GRXCR1: variants seen among roughly 807,000 people sequenced by gnomAD.
GRXCR1 encodes the protein glutaredoxin and cysteine rich domain containing 1, also known as glutaredoxin domain-containing cysteine-rich protein 1.
GRXCR1 carries 27 observed loss-of-function variants against 27.3 expected under a neutral mutation model. The ratio of observed to expected loss-of-function variants is 0.99; its 90% CI spans 0.73 to 1.37. The LOEUF is 1.37. Among genes scored for constraint, GRXCR1 ranks in the 40% most tolerant of loss-of-function variants. GRXCR1 has a pLI of 0.00. For missense variants in GRXCR1, 379 were observed against 354.4 expected, an observed-to-expected ratio of 1.07 and a Z score of -0.56; for synonymous variants, 122 against 131.1, an observed-to-expected ratio of 0.93 and a Z score of 0.47.
At chr4:42,984,913 G>A (rs761511849) in intron 2 of GRXCR1, among the ~76,000 whole-genome samples, 10 of 152,106 alleles carry the variant, frequency 6.6e-5, no homozygotes, top group Non-Finnish European at 7.4e-5. Flanking sequence ...ACATGTACCA[G>A]CCTGGAGTCT....
intron 1 of GRXCR1, among the ~76,000 whole-genome samples, chr4:42,934,588 T>C (rs1386709276): frequency 1.3e-5 from 2 of 151,950 alleles, no homozygotes; most frequent in African/African-American, 2.4e-5. Context: ...ATGCTACACA[T>C]TTCTCCAGTC....
intron 2 of GRXCR1, among the ~76,000 whole-genome samples, chr4:42,973,934 G>C (rs1028273619): frequency 6.6e-6 from 1 of 152,158 alleles, no homozygotes; most frequent in African/African-American, 2.4e-5. Flanking sequence ...GCTAGAGCAT[G>C]TTCTAGGGGT....
chr4:42,987,243 T>TTATATATATATAA (rs1560676875), intron 2 of GRXCR1, among the ~76,000 whole-genome samples: 3 of 76,804 alleles, frequency 3.9e-5, no homozygotes, highest in South Asian at 3.9e-4. Context: ...ATATATATAA[T>TTATATATATATAA]ATATAATATA....
chr4:42,907,558 A>T (rs959197244), intron 1 of GRXCR1, among the ~76,000 whole-genome samples: 1 of 152,100 alleles, frequency 6.6e-6, no homozygotes, highest in African/African-American at 2.4e-5. Context: ...CCTTCTCAGG[A>T]AGTAGCTGCT....
intron 1 of GRXCR1, among the ~76,000 whole-genome samples, chr4:42,960,102 G>C (rs1748098060): frequency 6.6e-6 from 1 of 152,046 alleles, no homozygotes; most frequent in East Asian, 1.9e-4. Context: ...TGGTATACAT[G>C]GTTTGTTCTA....
intron 2 of GRXCR1, among the ~76,000 whole-genome samples, chr4:42,993,662 T>C (rs955494776): frequency 2.6e-5 from 4 of 152,166 alleles, no homozygotes; most frequent in African/African-American, 7.2e-5. Flanking sequence ...TATTGAATAC[T>C]GTACTGAAAG....
At chr4:42,914,812 G>A (rs1486874322) in intron 1 of GRXCR1, among the ~76,000 whole-genome samples, 4 of 152,122 alleles carry the variant, frequency 2.6e-5, no homozygotes, top group African/African-American at 7.2e-5. Context: ...GGGACCAGGT[G>A]GAGATAATTG....
chr4:42,998,974 A>G (rs1387691823), intron 2 of GRXCR1, among the ~76,000 whole-genome samples: 1 of 152,206 alleles, frequency 6.6e-6, no homozygotes, highest in East Asian at 1.9e-4. Context: ...TTGGCTGTCA[A>G]AAAGTATTTT....
chr4:43,020,524 A>G (rs951529130), intron 3 of GRXCR1, 105 bp downstream of exon 3: 2 of 766,306 alleles, frequency 2.6e-6, no homozygotes, highest in Non-Finnish European at 4.7e-6. Context: ...TGTTCTTACA[A>G]ATATGCAATA....
At chr4:43,022,388 A>G (rs894988371) in intron 3 of GRXCR1, among the ~76,000 whole-genome samples, 3 of 152,194 alleles carry the variant, frequency 2.0e-5, no homozygotes, top group Non-Finnish European at 4.4e-5. Context: ...CTTGATCAAC[A>G]GTACCATGGT....
chr4:42,976,513 T>C (rs1436483), intron 2 of GRXCR1, among the ~76,000 whole-genome samples: 72,116 of 151,708 alleles, frequency 0.48, 18,459 homozygotes, highest in African/African-American at 0.68. Context: ...TATAGGTCAG[T>C]AAATTATTAT....
intron 2 of GRXCR1, among the ~76,000 whole-genome samples, chr4:42,991,597 G>A (rs1406593862): frequency 6.6e-6 from 1 of 152,010 alleles, no homozygotes; most frequent in African/African-American, 2.4e-5. Context: ...TTTCAGTGAA[G>A]CAGCCAGGAG....
chr4:43,005,689 C>T (rs1418720024), intron 2 of GRXCR1, among the ~76,000 whole-genome samples: 2 of 152,112 alleles, frequency 1.3e-5, no homozygotes, highest in African/African-American at 2.4e-5. Context: ...GGAAGTACTC[C>T]TTGGAAAGTG....
At chr4:42,918,655 G>C (rs2109749449) in intron 1 of GRXCR1, among the ~76,000 whole-genome samples, 1 of 151,970 alleles carries the variant, frequency 6.6e-6, no homozygotes, top group Non-Finnish European at 1.5e-5. Context: ...CCTGTGTTTT[G>C]ACCATCTCTC....
chr4:42,982,302 G>A (rs567404033), intron 2 of GRXCR1, among the ~76,000 whole-genome samples: 81 of 142,744 alleles, frequency 5.7e-4, no homozygotes, highest in African/African-American at 7.9e-4. Flanking sequence ...GAGAATATGC[G>A]GTGTTTGGTT....
At chr4:43,027,003 C>T (rs1489482603) in intron 3 of GRXCR1, among the ~76,000 whole-genome samples, 1 of 152,176 alleles carries the variant, frequency 6.6e-6, no homozygotes, top group Non-Finnish European at 1.5e-5. Flanking sequence ...AGTGGCAAAA[C>T]CTTAAACCAG....
At chr4:42,999,851 A>G (rs570259657) in intron 2 of GRXCR1, among the ~76,000 whole-genome samples, 1 of 152,332 alleles carries the variant, frequency 6.6e-6, no homozygotes, top group African/African-American at 2.4e-5. Context: ...AAAAGACAAT[A>G]AACCTACTAA....
intron 3 of GRXCR1, among the ~76,000 whole-genome samples, chr4:43,028,198 G>A (rs889073044): frequency 4.6e-5 from 7 of 152,052 alleles, no homozygotes; most frequent in South Asian, 2.1e-4. Context: ...TTTCTTCTAT[G>A]TCAACTCTAA....
chr4:42,894,193 C>T (rs1175113497), intron 1 of GRXCR1, among the ~76,000 whole-genome samples: 1 of 151,982 alleles, frequency 6.6e-6, no homozygotes, highest in East Asian at 1.9e-4. Context: ...TTAAATTGCC[C>T]ATAAAAATTC....
Sources: gnomAD v4.1 joint callset for allele counts (sites outside exome capture counted in the v4.1 genomes callset) on GRCh38, gnomAD v4.1.1 for gene constraint, MANE v1.5 for transcripts, NCBI Gene and HGNC (gene_info 2026-07-23, HGNC 2026-07-21) for gene names.